PAQR8: variants seen among roughly 807,000 people sequenced by gnomAD.
PAQR8 encodes membrane progestin receptor beta.
Under a neutral mutation model 25.2 loss-of-function variants are expected in PAQR8, and 17 were observed. That is an observed-to-expected ratio of 0.67 (90% CI 0.46 to 1.01). The LOEUF is 1.01. Ranked by LOEUF, PAQR8 falls within the 50% of genes least tolerant of loss-of-function variation. The probability of loss-of-function intolerance (pLI) is 0.00; values close to 1 mark genes in which losing one functional copy is unlikely to be tolerated. For synonymous variants in PAQR8, 204 were observed against 190.6 expected (o/e 1.07, Z -0.58); for missense variants, 392 against 448.4 (o/e 0.87, Z 1.14).
Position 52,407,740 on chromosome 6 carries a change from C to T in PAQR8, c.*3462C>T, listed in dbSNP as rs1336968942. On this transcript the variant is annotated 3_prime_UTR_variant, in exon 2 of 2. Coordinates refer to ENST00000442253, the MANE Select transcript of PAQR8 (RefSeq NM_133367.5). ...GCTATTTTCTGTCTATATAAATCTA[C>T]TTATATGAATAACCATTAAAGTGAT... is the stretch of plus-strand genomic sequence containing the variant. 6.9e-6 allele frequency: 1 copy of T among 144,992 alleles called. No individual in the cohort carries two copies. The highest frequency in any genetic ancestry group is 1.6e-5 in the Non-Finnish European group (1 of 64,304). The allele number at this position is 144,992 out of a possible 1,614,324, so 9.0% of individuals were successfully genotyped here. A position where few individuals can be genotyped will look rare whatever the true frequency, so the allele number is the denominator to read the frequency against.
chr6:52,381,997 G>A (rs1157425322), intron 1 of PAQR8, among the ~76,000 whole-genome samples: 1 of 152,180 alleles, frequency 6.6e-6, no homozygotes, highest in Non-Finnish European at 1.5e-5. Context: ...GGTAGCAAAA[G>A]GAGAGTTTAG....
chr6:52,389,259 G>A (rs1413219875), intron 1 of PAQR8, among the ~76,000 whole-genome samples: 1 of 152,156 alleles, frequency 6.6e-6, no homozygotes, highest in East Asian at 1.9e-4. Flanking sequence ...GATCTCACTG[G>A]TTTTTACCTT....
intron 1 of PAQR8, among the ~76,000 whole-genome samples, chr6:52,390,212 AT>A (rs1350911473): frequency 2.0e-5 from 3 of 152,240 alleles, no homozygotes; most frequent in Admixed American, 1.3e-4. Context: ...TGGCAGATGC[AT>A]TCTCTGTCTG....
At chr6:52,364,014 G>A (rs561718439) in intron 1 of PAQR8, among the ~76,000 whole-genome samples, 13 of 149,056 alleles carry the variant, frequency 8.7e-5, no homozygotes, top group African/African-American at 2.0e-4. Context: ...GTTATTTGGC[G>A]TAACAACCAA....
rs1054814357 is a variant in PAQR8 at position 52,362,177 on chromosome 6, C to G, written c.-125C>G. 4.0e-5 allele frequency: 6 copies of G among 151,800 alleles called. No individual in the cohort carries two copies. The highest frequency in any genetic ancestry group is 7.4e-5 in the Non-Finnish European group (5 of 67,938). The allele number at this position is 151,800 out of a possible 1,614,324, so 9.4% of individuals were successfully genotyped here. Reference sequence around the variant, plus strand: ...CAGCCACCCGCGGGAAGCTCGTGGCCGGGACCCCGAGGCGGGAGCGCGGGC... The same window carrying G: ...CAGCCACCCGCGGGAAGCTCGTGGCGGGGACCCCGAGGCGGGAGCGCGGGC... On this transcript the variant is annotated 5_prime_UTR_variant, in exon 1 of 2. Coordinates refer to ENST00000442253, the MANE Select transcript of PAQR8 (RefSeq NM_133367.5). This position sits in a 1 kb window ranked among gnomAD's most constrained non-coding sequence, Gnocchi z 4.1.
At chr6:52,403,021 T>C (rs1169325061) in intron 1 of PAQR8, 141 bp from the exon 2 acceptor site, 22 of 586,862 alleles carry the variant, frequency 3.7e-5, no homozygotes, top group Non-Finnish European at 3.0e-6. Context: ...CAATGAGCTG[T>C]GATCGTGCCA....
chr6:52,370,356 G>A (rs1763403076), intron 1 of PAQR8, among the ~76,000 whole-genome samples: 1 of 152,184 alleles, frequency 6.6e-6, no homozygotes, highest in Admixed American at 6.5e-5. Context: ...ATATTTGTCA[G>A]TTCATTTACA....
rs1763382234 is a variant in PAQR8, at chr6:52,368,629, A to G, written c.-53+6380A>G. 3.3e-5 allele frequency among the ~76,000 whole-genome samples: 5 copies of G among 152,334 alleles called. No individual in the cohort carries two copies. In the South Asian group the frequency reaches 1.0e-3, roughly 32 times the overall value. ...TTGTTTTAGAACCTTAGAGGTGTTT[A>G]ATTAATACTGATAAATTTACCTCAT... is the stretch of plus-strand genomic sequence containing the variant. On this transcript the variant is annotated intron_variant, in intron 1 of 1. Coordinates refer to ENST00000442253, the MANE Select transcript of PAQR8 (RefSeq NM_133367.5).
chr6:52,370,216 T>G (rs1763401430), intron 1 of PAQR8, among the ~76,000 whole-genome samples: 1 of 152,152 alleles, frequency 6.6e-6, no homozygotes, highest in South Asian at 2.1e-4. Flanking sequence ...TGTAAATATC[T>G]TAGATTTTTG....
intron 1 of PAQR8, among the ~76,000 whole-genome samples, chr6:52,391,774 G>C (rs890843449): frequency 2.6e-5 from 4 of 152,218 alleles, no homozygotes; most frequent in African/African-American, 4.8e-5. Context: ...GATGTGTGAA[G>C]CTGGGCTTCT....
chr6:52,369,684 G>A (rs768898807), intron 1 of PAQR8, among the ~76,000 whole-genome samples: 7 of 152,204 alleles, frequency 4.6e-5, no homozygotes, highest in Non-Finnish European at 1.0e-4. Context: ...AGAGAATTTG[G>A]TAAATCTGTA....
rs776917332 is a variant in PAQR8, at chr6:52,403,203, G to A, written c.-11G>A. On this transcript the variant is annotated 5_prime_UTR_variant, in exon 2 of 2. Coordinates refer to ENST00000442253, the MANE Select transcript of PAQR8 (RefSeq NM_133367.5). ...TGAGGGCGCGGCACGGAGTGCATGC[G>A]GGCCGCTGCCATGACGACCGCCATC... The A allele has an allele frequency of 3.8e-6, 6 of 1,586,986 alleles. No individual in the cohort carries two copies. Among genetic ancestry groups the A allele is most frequent in the East Asian group, 4.5e-5 (2 of 44,130 alleles).
At chr6:52,366,824 A>C (rs1005018249) in intron 1 of PAQR8, among the ~76,000 whole-genome samples, 16 of 151,924 alleles carry the variant, frequency 1.1e-4, no homozygotes, top group Non-Finnish European at 1.6e-4. Flanking sequence ...ATCTCGGCTC[A>C]CTGCAACCTC....
chr6:52,403,951 G>A lies in PAQR8; in HGVS notation c.738G>A (p.Trp246Ter), dbSNP rs376682976. The change falls in exon 2 of 2, where the codon TGG becomes TGA. Residue 246 changes from tryptophan (W) to a stop codon, truncating the protein, a stop_gained. Transcript: ENST00000442253. LOFTEE classifies it high-confidence loss of function. ...HLAGCQEQAA[W>*]YHTLQILFFL... ...CTGGCTGCCAGGAGCAAGCAGCCTG[G>A]TACCACACCCTCCAGATCCTCTTCT... 6.9e-5 allele frequency: 111 copies of A among 1,614,094 alleles called. No individual in the cohort carries two copies. The highest frequency in any genetic ancestry group is 9.0e-5 in the Non-Finnish European group (106 of 1,180,052).
chr6:52,402,756 A>G, intron 1 of PAQR8, among the ~76,000 whole-genome samples: 1 of 152,152 alleles, frequency 6.6e-6, no homozygotes. Flanking sequence ...CCTCTACTGT[A>G]CCAGAAAGCC....
chr6:52,383,416 C>G (rs1335426019), intron 1 of PAQR8, among the ~76,000 whole-genome samples: 1 of 152,100 alleles, frequency 6.6e-6, no homozygotes, highest in East Asian at 1.9e-4. Flanking sequence ...AATCCCAGCA[C>G]TTTGGGAGGC....
intron 1 of PAQR8, among the ~76,000 whole-genome samples, chr6:52,381,110 C>T (rs1763554076): frequency 6.6e-6 from 1 of 151,976 alleles, no homozygotes. Flanking sequence ...CTTTGCTTTT[C>T]CCCAATCCTG....
At chr6:52,376,570 C>A (rs1333369673) in intron 1 of PAQR8, among the ~76,000 whole-genome samples, 2 of 151,974 alleles carry the variant, frequency 1.3e-5, no homozygotes, top group Non-Finnish European at 2.9e-5. Flanking sequence ...GGAAGAAAAA[C>A]CCATATAGGT....
chr6:52,376,219 A>C (rs1033625185), intron 1 of PAQR8, among the ~76,000 whole-genome samples: 1 of 152,214 alleles, frequency 6.6e-6, no homozygotes, highest in Non-Finnish European at 1.5e-5. Context: ...TATTTTAGAC[A>C]ATGTATTGGA....
Sources: gnomAD v4.1 joint callset for allele counts (sites outside exome capture counted in the v4.1 genomes callset) on GRCh38, gnomAD v4.1.1 for gene constraint, Gnocchi (gnomAD v3.1) non-coding constraint, MANE v1.5 for transcripts, NCBI Gene and HGNC (gene_info 2026-07-23, HGNC 2026-07-21) for gene names.